Variants in JAM3 observed in about 807,000 individuals in gnomAD.
The protein encoded by JAM3 is junctional adhesion molecule 3.
A neutral mutation model predicts 39.4 loss-of-function variants in JAM3; 31 were observed. That is an observed-to-expected ratio of 0.79 (90% CI 0.59 to 1.06). JAM3 has a LOEUF of 1.06. JAM3 is among the 50% of genes least tolerant of loss of function. JAM3 has a pLI of 0.00. For missense variants in JAM3, 455 were observed against 391.4 expected (o/e 1.16, Z -1.37); for synonymous variants, 182 against 148.7 (o/e 1.22, Z -1.63).
chr11:134,144,858 A>G lies in JAM3; in HGVS notation c.476A>G (p.His159Arg), dbSNP rs1943042577. ...AVPVGKMATL[H>R]CQESEGHPRP... ...CCAGTAGGCAAGATGGCAACACTGC[A>G]CTGCCAGGAGAGTGAGGGCCACCCC... The change falls in exon 5 of 9, where the codon CAC becomes CGC. Residue 159 changes from histidine (H) to arginine (R), a missense_variant. His to Arg is a conservative substitution (Grantham distance 29). Transcript: ENST00000299106. 6 of 1,614,062 alleles carry G rather than the reference A, an allele frequency of 3.7e-6. No individual in the cohort carries two copies. The highest frequency in any genetic ancestry group is 2.7e-5 in the African/African-American group (2 of 74,910).
At chr11:134,102,304 C>T (rs1565489031) in intron 1 of JAM3, among the ~76,000 whole-genome samples, 4 of 152,274 alleles carry the variant, frequency 2.6e-5, no homozygotes, top group Admixed American at 2.6e-4. Flanking sequence ...GCTGAGGGTC[C>T]TGACTGTTAG....
chr11:134,117,638 G>T (rs1347421622), intron 1 of JAM3, among the ~76,000 whole-genome samples: 1 of 152,186 alleles, frequency 6.6e-6, no homozygotes, highest in African/African-American at 2.4e-5. Flanking sequence ...CTAAAGCCCA[G>T]GTTTTGCAGC....
chr11:134,142,778 C>T lies in JAM3; in HGVS notation c.257-1463C>T, dbSNP rs1943000074. 2.0e-5 allele frequency among the ~76,000 whole-genome samples: 3 copies of T among 152,186 alleles called. No homozygotes were observed. In the South Asian group the frequency reaches 6.3e-4, roughly 32 times the overall value. On this transcript the variant is annotated intron_variant, in intron 3 of 8. Coordinates refer to ENST00000299106, the MANE Select transcript of JAM3 (RefSeq NM_032801.5). ...CCGTACCCAGCAGTAGTCAGTCCTC[C>T]TCCCGCATCCCTGGCAGCTCTGATT... is the stretch of plus-strand genomic sequence containing the variant.
At chr11:134,133,289 T>G (rs1354574181) in intron 1 of JAM3, among the ~76,000 whole-genome samples, 1 of 152,212 alleles carries the variant, frequency 6.6e-6, no homozygotes, top group Non-Finnish European at 1.5e-5. Context: ...TTTTTGTCCT[T>G]TTCTTGACAA....
chr11:134,098,692 T>A (rs1231685519), intron 1 of JAM3, among the ~76,000 whole-genome samples: 1 of 151,954 alleles, frequency 6.6e-6, no homozygotes, highest in African/African-American at 2.4e-5. Flanking sequence ...CAGCATTGTA[T>A]CTTCTTTTTC....
chr11:134,119,048 A>T (rs937476638), intron 1 of JAM3, among the ~76,000 whole-genome samples: 2 of 149,516 alleles, frequency 1.3e-5, no homozygotes, highest in African/African-American at 5.0e-5. Context: ...AACTCACTGC[A>T]GCCTTTACCT....
intron 1 of JAM3, among the ~76,000 whole-genome samples, chr11:134,089,368 A>T (rs567807718): frequency 3.7e-4 from 56 of 152,132 alleles, no homozygotes; most frequent in Non-Finnish European, 6.3e-4. Flanking sequence ...CATGCAGGTT[A>T]GTTACATATG....
chr11:134,113,044 C>G (rs534478371), intron 1 of JAM3, among the ~76,000 whole-genome samples: 1 of 152,246 alleles, frequency 6.6e-6, no homozygotes, highest in East Asian at 1.9e-4. Flanking sequence ...CACTTGAACC[C>G]AAGGGCTAGC....
intron 1 of JAM3, among the ~76,000 whole-genome samples, chr11:134,075,617 A>C (rs191911755): frequency 1.2e-4 from 18 of 152,218 alleles, no homozygotes; most frequent in African/African-American, 4.1e-4. Flanking sequence ...TGTAGAAACA[A>C]GGTCTTACTA....
chr11:134,102,041 G>T (rs1209400442), intron 1 of JAM3, among the ~76,000 whole-genome samples: 1 of 152,128 alleles, frequency 6.6e-6, no homozygotes, highest in African/African-American at 2.4e-5. Context: ...GTGACAAAGT[G>T]AGACCCTGTC....
At chr11:134,088,011 A>T (rs888832995) in intron 1 of JAM3, among the ~76,000 whole-genome samples, 1 of 152,176 alleles carries the variant, frequency 6.6e-6, no homozygotes, top group Non-Finnish European at 1.5e-5. Context: ...CAGATGCCCC[A>T]TGGGTGGCAG....
At chr11:134,130,770 CAG>C (rs2120816513) in intron 1 of JAM3, among the ~76,000 whole-genome samples, 1 of 152,310 alleles carries the variant, frequency 6.6e-6, no homozygotes, top group South Asian at 2.1e-4. Context: ...CCGGAGGGAA[CAG>C]AGCAGACATT....
intron 1 of JAM3, among the ~76,000 whole-genome samples, chr11:134,090,570 TTAAG>T (rs1297494537): frequency 6.6e-6 from 1 of 152,232 alleles, no homozygotes; most frequent in African/African-American, 2.4e-5. Flanking sequence ...CTTCAAACTA[TTAAG>T]TAAATGCTGT....
chr11:134,146,555 T>TA (rs1031617066), intron 6 of JAM3, among the ~76,000 whole-genome samples: 1 of 151,780 alleles, frequency 6.6e-6, no homozygotes, highest in African/African-American at 2.4e-5. Context: ...GGGGAGCTTT[T>TA]TTTTTTCTTA....
At chr11:134,124,719 A>T (rs1189053434) in intron 1 of JAM3, among the ~76,000 whole-genome samples, 1 of 148,630 alleles carries the variant, frequency 6.7e-6, no homozygotes, top group Admixed American at 6.7e-5. Flanking sequence ...GCTTGCAATT[A>T]AAAAAAAAAG....
At chr11:134,122,059 A>G (rs1942544379) in intron 1 of JAM3, among the ~76,000 whole-genome samples, 1 of 152,216 alleles carries the variant, frequency 6.6e-6, no homozygotes, top group Non-Finnish European at 1.5e-5. Context: ...TCCCAGAAAC[A>G]ATTTCAGAAA....
chr11:134,085,786 C>A (rs1591772125), intron 1 of JAM3, among the ~76,000 whole-genome samples: 1 of 152,122 alleles, frequency 6.6e-6, no homozygotes. Flanking sequence ...CATATACATA[C>A]AAATATTCAT....
chr11:134,082,357 A>G (rs534480868), intron 1 of JAM3, among the ~76,000 whole-genome samples: 1 of 152,292 alleles, frequency 6.6e-6, no homozygotes, highest in South Asian at 2.1e-4. Flanking sequence ...ATTGGTTTTG[A>G]AATGTGAGGA....
At chr11:134,077,907 T>C (rs1256996899) in intron 1 of JAM3, among the ~76,000 whole-genome samples, 1 of 151,544 alleles carries the variant, frequency 6.6e-6, no homozygotes, top group Non-Finnish European at 1.5e-5. Flanking sequence ...CCGCCTCGGC[T>C]TCCCAAAGTG....
Sources: gnomAD v4.1 joint callset for allele counts (sites outside exome capture counted in the v4.1 genomes callset) on GRCh38, gnomAD v4.1.1 for gene constraint, MANE v1.5 for transcripts, NCBI Gene and HGNC (gene_info 2026-07-23, HGNC 2026-07-21) for gene names.